The following OTOA variants were observed in gnomAD, a reference collection of about 807,000 sequenced individuals.
OTOA encodes cancer/testis antigen 108.
In OTOA, 70 loss-of-function variants were observed where a neutral mutation model predicts 110.8. That is an observed-to-expected ratio of 0.63 (90% confidence interval 0.52 to 0.77). The LOEUF is 0.77. Among genes scored for constraint, OTOA ranks in the 30% least tolerant of loss-of-function variants. The probability of loss-of-function intolerance (pLI) is 0.00; values close to 1 mark genes in which losing one functional copy is unlikely to be tolerated. For synonymous variants in OTOA, 373 were observed against 431.5 expected, an observed-to-expected ratio of 0.86 and a Z score of 1.68; for missense variants, 917 against 1,075.8, an observed-to-expected ratio of 0.85 and a Z score of 2.06.
chr16:21,671,154 C>A (rs1474957017), intron 1 of OTOA, among the ~76,000 whole-genome samples: 1 of 152,124 alleles, frequency 6.6e-6, no homozygotes, highest in Non-Finnish European at 1.5e-5. Flanking sequence ...AACTTGTATA[C>A]AGAGCTGACT....
At chr16:21,668,462 T>TC (rs1034838093) in intron 1 of OTOA, among the ~76,000 whole-genome samples, 14 of 147,108 alleles carry the variant, frequency 9.5e-5, no homozygotes, top group African/African-American at 2.3e-4. Flanking sequence ...TTTCTTTCTT[T>TC]TTTTTTTTTT....
chr16:21,712,161 T>C (rs1161070671), intron 13 of OTOA, among the ~76,000 whole-genome samples: 1 of 151,884 alleles, frequency 6.6e-6, no homozygotes, highest in Non-Finnish European at 1.5e-5. Context: ...ACCCTGTCTC[T>C]ACTAAAAATA....
chr16:21,751,485 A>C (rs999113606), intron 24 of OTOA, among the ~76,000 whole-genome samples: 1 of 70,230 alleles, frequency 1.4e-5, no homozygotes, highest in Non-Finnish European at 3.4e-5. Flanking sequence ...GTGCCACTGC[A>C]CTCCAGCCTG....
chr16:21,679,323 A>C (rs1224606113), intron 5 of OTOA, 112 bp downstream of exon 5: 4 of 1,180,282 alleles, frequency 3.4e-6, no homozygotes, highest in Non-Finnish European at 4.9e-6. Flanking sequence ...AAAAATGTCA[A>C]TCAATGCACA....
chr16:21,668,213 A>T (rs552839013), intron 1 of OTOA, among the ~76,000 whole-genome samples: 44 of 152,080 alleles, frequency 2.9e-4, no homozygotes, highest in African/African-American at 9.4e-4. Context: ...AGCTCAAGAG[A>T]TCCTCCCATC....
intron 24 of OTOA, 51 bp from the exon 25 acceptor site, chr16:21,751,884 G>A (rs1373508822): frequency 4.4e-6 from 1 of 226,456 alleles, no homozygotes; most frequent in African/African-American, 3.5e-5. Context: ...TCAGGCCTGG[G>A]GACCTTGATC....
intron 1 of OTOA, among the ~76,000 whole-genome samples, chr16:21,665,417 C>G (rs913685019): frequency 6.6e-6 from 1 of 152,122 alleles, no homozygotes. Flanking sequence ...GTTAGAGAGG[C>G]GTGTACTTAG....
chr16:21,720,656 T>C (rs971294926), intron 17 of OTOA, among the ~76,000 whole-genome samples: 1 of 152,166 alleles, frequency 6.6e-6, no homozygotes, highest in Admixed American at 6.6e-5. Context: ...CCTAATACTT[T>C]GCATTTCTAA....
intron 19 of OTOA, 84 bp downstream of exon 19, chr16:21,726,742 C>G: frequency 1.3e-6 from 2 of 1,564,118 alleles, no homozygotes; most frequent in Non-Finnish European, 1.8e-6. Flanking sequence ...TGGCTAGGAT[C>G]TTGAGCCTGC....
chr16:21,687,785 A>G, intron 8 of OTOA, 137 bp downstream of exon 8: 3 of 785,326 alleles, frequency 3.8e-6, no homozygotes, highest in Non-Finnish European at 6.2e-6. Flanking sequence ...CTCCTGCCTC[A>G]ATTCCAAGTA....
intron 23 of OTOA, among the ~76,000 whole-genome samples, chr16:21,743,981 A>G (rs1306689549): frequency 1.5e-5 from 2 of 137,076 alleles, no homozygotes; most frequent in Non-Finnish European, 1.6e-5. Context: ...GTATGTATAC[A>G]TTGGGGAATG....
chr16:21,712,073 A>T (rs1340162045), intron 13 of OTOA, among the ~76,000 whole-genome samples: 1 of 151,538 alleles, frequency 6.6e-6, no homozygotes, highest in Non-Finnish European at 1.5e-5. Flanking sequence ...TATGCCTGTA[A>T]TCCCAGCACT....
In OTOA at chr16:21,678,624, A is replaced by G; in HGVS notation, c.91+19A>G. The G allele has an allele frequency of 6.2e-7, 1 of 1,601,604 alleles. No individual in the cohort carries two copies. The highest frequency in any genetic ancestry group is 8.6e-7 in the Non-Finnish European group (1 of 1,168,816). ...AGGCAGGGTAAGTCCTGAGGGAAGA[A>G]TCACCCTTTGTGGTTTCCACACAGT... On this transcript the variant is annotated intron_variant, in intron 2 of 28. Transcript: ENST00000646100.
At chr16:21,695,428 T>A (rs770469738) in intron 9 of OTOA, among the ~76,000 whole-genome samples, 9 of 152,060 alleles carry the variant, frequency 5.9e-5, no homozygotes, top group Non-Finnish European at 1.0e-4. Flanking sequence ...ATACAGTTTA[T>A]GCTTAGTAAT....
In OTOA at chr16:21,737,919, C is replaced by T. The variant is rs1899384720; in HGVS notation, c.2431+1529C>T. Among the ~76,000 whole-genome samples, 6 of 152,300 alleles carry T rather than the reference C, an allele frequency of 3.9e-5. No homozygotes were observed. The South Asian group carries it at 8.3e-4, about 21-fold the overall frequency. ...AATCACCCCCAGTGATAGTAGTTGA[C>T]AGTCAGTGCTTGCTTTCATCCACCC... On this transcript the variant is annotated intron_variant, in intron 22 of 28. Coordinates refer to ENST00000646100, the MANE Select transcript of OTOA (RefSeq NM_144672.4).
intron 27 of OTOA, among the ~76,000 whole-genome samples, chr16:21,756,087 G>A (rs1344978608): frequency 2.0e-5 from 3 of 151,608 alleles, no homozygotes; most frequent in Non-Finnish European, 4.4e-5. Context: ...GACAGGAGAG[G>A]AAGGGATGAG....
intron 8 of OTOA, 89 bp downstream of exon 8, chr16:21,687,737 G>A (rs1266147679): frequency 2.9e-5 from 33 of 1,137,380 alleles, no homozygotes; most frequent in South Asian, 2.4e-4. Flanking sequence ...GTGCAGTCTC[G>A]GCTCACTGCA....
At chr16:21,672,200 A>ATAAGCATAATGTTTCTGAGGT (rs1356478390) in intron 1 of OTOA, among the ~76,000 whole-genome samples, 1 of 152,188 alleles carries the variant, frequency 6.6e-6, no homozygotes, top group African/African-American at 2.4e-5. Context: ...TTTGCTCAGC[A>ATAAGCATAATGTTTCTGAGGT]TAAGCATAAT....
intron 17 of OTOA, 141 bp from the exon 18 acceptor site, chr16:21,722,764 T>A: frequency 1.3e-6 from 1 of 743,686 alleles, no homozygotes; most frequent in South Asian, 1.5e-5. Context: ...CTGGGCACAG[T>A]AGTGGTACTT....
Sources: gnomAD v4.1 joint callset for allele counts (sites outside exome capture counted in the v4.1 genomes callset) on GRCh38, gnomAD v4.1.1 for gene constraint, MANE v1.5 for transcripts, NCBI Gene and HGNC (gene_info 2026-07-23, HGNC 2026-07-21) for gene names.